Variants in SPHKAP observed in about 807,000 individuals in gnomAD.
The protein encoded by SPHKAP is SPHK1 interactor, AKAP domain containing.
Under a neutral mutation model 137.5 loss-of-function variants are expected in SPHKAP, and 67 were observed. The observed-to-expected ratio is 0.49, with a 90% CI of 0.40 to 0.60. SPHKAP has a LOEUF of 0.60. Among genes scored for constraint, SPHKAP ranks in the 20% least tolerant of loss-of-function variants. SPHKAP has a pLI of 0.00. For synonymous variants in SPHKAP, 813 were observed against 785.3 expected (o/e 1.04, Z -0.59); for missense variants, 2,097 against 2,069.3 (o/e 1.01, Z -0.26).
intron 11 of SPHKAP, among the ~76,000 whole-genome samples, chr2:227,982,993 A>G (rs1287482340): frequency 6.6e-6 from 1 of 152,204 alleles, no homozygotes; most frequent in African/African-American, 2.4e-5. Context: ...CACTGGGAGA[A>G]AAAATAGGCT....
intron 1 of SPHKAP, among the ~76,000 whole-genome samples, chr2:228,157,297 A>G (rs1422842738): frequency 6.6e-6 from 1 of 152,212 alleles, no homozygotes; most frequent in East Asian, 1.9e-4. Flanking sequence ...GTCATAGAAT[A>G]TGATCTTAAA....
chr2:228,069,763 G>A (rs1384082807), intron 3 of SPHKAP, among the ~76,000 whole-genome samples: 1 of 152,118 alleles, frequency 6.6e-6, no homozygotes, highest in African/African-American at 2.4e-5. Flanking sequence ...ACCAAGCTTG[G>A]AAAATAGGAG....
intron 11 of SPHKAP, among the ~76,000 whole-genome samples, chr2:227,982,899 G>A (rs774209675): frequency 3.3e-5 from 5 of 152,162 alleles, no homozygotes; most frequent in African/African-American, 4.8e-5. Flanking sequence ...AAGACCAAGC[G>A]TGAGTCAAAT....
At chr2:228,147,137 A>G (rs1209424259) in intron 1 of SPHKAP, among the ~76,000 whole-genome samples, 1 of 152,212 alleles carries the variant, frequency 6.6e-6, no homozygotes, top group African/African-American at 2.4e-5. Context: ...TACTTAGTGC[A>G]ATGCCTGACA....
In SPHKAP at chr2:228,019,538, A is replaced by G; in HGVS notation, c.1316T>C (p.Val439Ala). 5 of 1,614,200 alleles carry G rather than the reference A, an allele frequency of 3.1e-6. No homozygotes were observed. The highest frequency in any genetic ancestry group is 2.5e-6 in the Non-Finnish European group (3 of 1,180,030). Residue 439 changes from valine (V) to alanine (A), a missense_variant, in exon 7 of 12, where the codon GTG becomes GCG. Val to Ala is a moderately conservative substitution (Grantham distance 64, BLOSUM62 0). Coordinates refer to ENST00000392056, the MANE Select transcript of SPHKAP (RefSeq NM_001142644.2). ...LPSCYSTKDT[V>A]VSRSWNELPK... ...GAGCTCATTCCATGACCGAGAAACC[A>G]CTGTATCTTTTGTGGAATAGCAACT...
At chr2:228,089,734 G>A (rs747645664) in intron 3 of SPHKAP, among the ~76,000 whole-genome samples, 1 of 152,168 alleles carries the variant, frequency 6.6e-6, no homozygotes, top group Non-Finnish European at 1.5e-5. Context: ...CTCTGCACCA[G>A]CCACATCAAA....
intron 2 of SPHKAP, among the ~76,000 whole-genome samples, chr2:228,114,409 A>C (rs1400810812): frequency 6.6e-6 from 1 of 152,142 alleles, no homozygotes; most frequent in Non-Finnish European, 1.5e-5. Flanking sequence ...AAGTAATTTA[A>C]ATTGGAGAAG....
intron 3 of SPHKAP, among the ~76,000 whole-genome samples, chr2:228,031,282 CTGAGATCAAACTGCAAGGCAGCAGCG>C (rs1265775203): frequency 1.6e-4 from 24 of 152,314 alleles, no homozygotes; most frequent in African/African-American, 5.5e-4. Flanking sequence ...GCACAGCAGT[CTGAGATCAAACTGCAAGGCAGCAGCG>C]AGGCTGGGGG....
intron 3 of SPHKAP, among the ~76,000 whole-genome samples, chr2:228,108,169 T>A (rs1698402449): frequency 6.6e-6 from 1 of 152,162 alleles, no homozygotes; most frequent in African/African-American, 2.4e-5. Context: ...ATCTCTGTAA[T>A]CATGACCCCA....
intron 9 of SPHKAP, among the ~76,000 whole-genome samples, chr2:227,993,027 T>G (rs1041476712): frequency 6.6e-6 from 1 of 152,150 alleles, no homozygotes; most frequent in African/African-American, 2.4e-5. Context: ...TTTTTCCTTC[T>G]TAAGGAAGTC....
In SPHKAP at chr2:228,132,019, T is replaced by A. The variant is rs1346987394; in HGVS notation, c.99A>T (p.Ser33=). The change falls in exon 2 of 12, where the codon TCA becomes TCT. Residue 33 remains serine (S), a synonymous_variant. Coordinates refer to ENST00000392056, the MANE Select transcript of SPHKAP (RefSeq NM_001142644.2). ...EPQQGRGCGS[S]GSGPGNSITA... ...TGATGGAGTTCCCCGGGCCGCTTCC[T>A]GAGCTGCCACAGCCTCTGCCCTGCT... 1 of 1,613,972 alleles carries A rather than the reference T, an allele frequency of 6.2e-7. No individual in the cohort carries two copies. The highest frequency in any genetic ancestry group is 1.7e-5 in the Admixed American group (1 of 60,014).
chr2:228,064,082 C>A (rs1696747856), intron 3 of SPHKAP, among the ~76,000 whole-genome samples: 1 of 152,060 alleles, frequency 6.6e-6, no homozygotes, highest in Non-Finnish European at 1.5e-5. Flanking sequence ...GAAGGAAGAA[C>A]TACCAATAGA....
intron 3 of SPHKAP, among the ~76,000 whole-genome samples, chr2:228,086,167 A>T (rs1697532067): frequency 6.6e-6 from 1 of 152,202 alleles, no homozygotes; most frequent in African/African-American, 2.4e-5. Flanking sequence ...ACAAAAAAAA[A>T]TTGGCAAAAA....
chr2:227,993,066 G>T (rs1434500166), intron 9 of SPHKAP, among the ~76,000 whole-genome samples: 2 of 152,080 alleles, frequency 1.3e-5, no homozygotes, highest in East Asian at 3.9e-4. Context: ...TAGTCACGGG[G>T]TGGGAATGAC....
intron 7 of SPHKAP, among the ~76,000 whole-genome samples, chr2:228,003,177 C>T (rs944530705): frequency 6.6e-6 from 1 of 152,154 alleles, no homozygotes; most frequent in African/African-American, 2.4e-5. Context: ...ATTTTCACGA[C>T]ATTGATTCTT....
chr2:228,042,646 T>C (rs558852965), intron 3 of SPHKAP, among the ~76,000 whole-genome samples: 12 of 152,162 alleles, frequency 7.9e-5, no homozygotes, highest in Non-Finnish European at 1.8e-4. Context: ...TAAAGAACCG[T>C]CATTTCTGAG....
At chr2:228,040,619 G>A (rs1441252162) in intron 3 of SPHKAP, among the ~76,000 whole-genome samples, 1 of 152,008 alleles carries the variant, frequency 6.6e-6, no homozygotes, top group African/African-American at 2.4e-5. Context: ...CTGCAATTCT[G>A]GGGGAAGCTC....
At chr2:228,061,909 G>C (rs924516146) in intron 3 of SPHKAP, among the ~76,000 whole-genome samples, 1 of 152,078 alleles carries the variant, frequency 6.6e-6, no homozygotes, top group African/African-American at 2.4e-5. Flanking sequence ...TAGCCTGTGA[G>C]ATAAGGAATA....
chr2:228,085,523 C>T (rs904102745), intron 3 of SPHKAP, among the ~76,000 whole-genome samples: 1 of 152,228 alleles, frequency 6.6e-6, no homozygotes, highest in Non-Finnish European at 1.5e-5. Flanking sequence ...AGCTATTCAA[C>T]ATTTAACACC....
Sources: gnomAD v4.1 joint callset for allele counts (sites outside exome capture counted in the v4.1 genomes callset) on GRCh38, gnomAD v4.1.1 for gene constraint, MANE v1.5 for transcripts, NCBI Gene and HGNC (gene_info 2026-07-23, HGNC 2026-07-21) for gene names.